RADIL: variants seen among roughly 807,000 people sequenced by gnomAD.
The protein encoded by RADIL is Rap associating with DIL domain, also known as ras-associating and dilute domain-containing protein.
Under a neutral mutation model 97.6 loss-of-function variants are expected in RADIL, and 99 were observed. The observed-to-expected ratio is 1.01, with a 90% CI of 0.86 to 1.20. RADIL has a LOEUF of 1.20. RADIL is among the 50% of genes most tolerant of loss of function. RADIL has a pLI of 0.00. For synonymous variants in RADIL, 803 were observed against 691.8 expected (o/e 1.16, Z -2.52); for missense variants, 1,765 against 1,498.9 (o/e 1.18, Z -2.93).
At chr7:4,882,409 G>C (rs2115059315) in intron 1 of RADIL, among the ~76,000 whole-genome samples, 1 of 152,334 alleles carries the variant, frequency 6.6e-6, no homozygotes, top group East Asian at 1.9e-4. Context: ...CGCAGGGCTC[G>C]GACAGCGAGG....
At chr7:4,861,273 G>C (rs776432068) in intron 2 of RADIL, 3 of 1,614,068 alleles carry the variant, frequency 1.9e-6, no homozygotes, top group East Asian at 4.5e-5. Context: ...AAATCTTCTG[G>C]AATAGTCTGT....
intron 4 of RADIL, 143 bp from the exon 5 acceptor site, chr7:4,832,321 T>C (rs1783167058): frequency 1.3e-6 from 1 of 792,120 alleles, no homozygotes; most frequent in Middle Eastern, 2.3e-4. Context: ...ATTCAAGCTG[T>C]GCTGGAAAGG....
At position 4,799,720 on chromosome 7, in the gene RADIL, C is replaced by G; in HGVS notation, c.3032G>C (p.Gly1011Ala). Residue 1011 changes from glycine (G) to alanine (A), a missense_variant, in exon 14 of 15, where the codon GGC becomes GCC. Transcript: ENST00000399583. ...PGLYIQTLLPGSPAAADGRLS... is the reference protein window; with the variant it reads ...PGLYIQTLLPASPAAADGRLS... ...GCGCCCGTCGGCCGCTGCGGGGCTG[C>G]CCGGGAGCAGGGTCTGGATGTAGAG... is the stretch of plus-strand genomic sequence containing the variant. The G allele has an allele frequency of 1.9e-6, 3 of 1,565,566 alleles. No homozygotes were observed. Among genetic ancestry groups the G allele is most frequent in the South Asian group, 2.3e-5 (2 of 85,798 alleles).
chr7:4,808,763 CCCGT>C (rs1782432359), intron 9 of RADIL: 6 of 969,342 alleles, frequency 6.2e-6, no homozygotes, highest in South Asian at 4.9e-5. Context: ...GCCACTGCCC[CCCGT>C]TCCGACGCCA....
In RADIL at chr7:4,801,922, G is replaced by A. The variant is rs149880583; in HGVS notation, c.2573C>T (p.Pro858Leu). 8.8e-3 allele frequency: 13,843 copies of A among 1,568,506 alleles called. 79 individuals are homozygous for A. Among genetic ancestry groups the A allele is most frequent in the Non-Finnish European group, 0.011 (12,496 of 1,158,822 alleles). Reference protein sequence around the residue: ...SCPLAPRDPGPAAREVAPERT... With the variant: ...SCPLAPRDPGLAAREVAPERT... ...CTCCGGGGCCACTTCCCGGGCTGCT[G>A]GGCCAGGGTCCCTGGGAGCCAGGGG... Residue 858 changes from proline to leucine, a missense_variant, in exon 12 of 15, where the codon CCA (proline) becomes CTA (leucine). Physicochemically the swap from Pro to Leu is moderately conservative, Grantham distance 98. Transcript: ENST00000399583.
chr7:4,806,925 C>G lies in RADIL; in HGVS notation c.2140-1209G>C, dbSNP rs190591850. On this transcript the variant is annotated intron_variant, in intron 9 of 14. Coordinates refer to ENST00000399583, the MANE Select transcript of RADIL (RefSeq NM_018059.5). ...CCTTGTACTGATTCTTGTCTGGAAG[C>G]CTGTGGGTTCTCTGCACCCATCGTC... Among the ~76,000 whole-genome samples the G allele has an allele frequency of 1.5e-3, 227 of 152,290 alleles. 2 individuals carry two copies. The highest frequency in any genetic ancestry group is 1.8e-3 in the Non-Finnish European group (120 of 68,014).
At chr7:4,806,123 G>A in intron 9 of RADIL, 1 of 876,272 alleles carries the variant, frequency 1.1e-6, no homozygotes, top group South Asian at 5.3e-5. Context: ...TCATCATTTA[G>A]GTGACAGGAG....
At position 4,864,163 on chromosome 7, in the gene RADIL, T is replaced by C. The variant is rs77667220; in HGVS notation, c.535+13442A>G. 5.1e-4 allele frequency among the ~76,000 whole-genome samples: 78 copies of C among 152,366 alleles called. 1 individual carries two copies. In the East Asian group the frequency reaches 0.014, roughly 28 times the overall value. On this transcript the variant is annotated intron_variant, in intron 2 of 14. Transcript: ENST00000399583. ...TCAAAAACAGCTATCAGCAAGGTCT[T>C]TGGTGACCTCCATGTTGCCCAACCC...
chr7:4,802,251 C>T (rs1782113661), intron 11 of RADIL, among the ~76,000 whole-genome samples: 1 of 152,202 alleles, frequency 6.6e-6, no homozygotes, highest in Non-Finnish European at 1.5e-5. Flanking sequence ...AGCTTCCAAC[C>T]CTTCTCCTGT....
intron 2 of RADIL, among the ~76,000 whole-genome samples, chr7:4,870,203 C>T (rs78023897): frequency 5.3e-5 from 8 of 152,252 alleles, no homozygotes; most frequent in Non-Finnish European, 7.4e-5. Context: ...AAGGACAGCA[C>T]GGCAGGGAAG....
rs760824551 is a variant in RADIL, at chr7:4,835,264, C to CA, written c.784-26dup. On this transcript the variant is annotated intron_variant, in intron 3 of 14. Transcript: ENST00000399583. The surrounding 1 kb of genome is among the most constrained non-coding windows in gnomAD (Gnocchi z 5.8). ...CCTGAAACAGAGACTCCGCTCAGGG[C>CA]AGGCGTAACGCGAGCAGCACACGGG... The CA allele has an allele frequency of 3.6e-5, 58 of 1,602,402 alleles. No homozygotes were observed. The highest frequency in any genetic ancestry group is 4.2e-5 in the Non-Finnish European group (50 of 1,179,004).
rs369863650 is a variant in RADIL at position 4,805,698 on chromosome 7, G to C, written c.2158C>G (p.Arg720Gly). The C allele has an allele frequency of 6.2e-7, 1 of 1,610,358 alleles. No homozygotes were observed. The highest frequency in any genetic ancestry group is 8.5e-7 in the Non-Finnish European group (1 of 1,179,282). The change falls in exon 10 of 15, where the codon CGG becomes GGG. Residue 720 changes from arginine to glycine, a missense_variant. By Grantham distance (125) the Arg-to-Gly change is moderately radical. Transcript: ENST00000399583. The part of the protein sequence containing the change: ...QLIQMSWTAL[R>G]AAFPALSPAQ... ...GGGCTCAGTGCGGGGAACGCAGCCC[G>C]CAGGGCTGTCCAGCTCATCTGGGTG...
chr7:4,860,260 T>C (rs773637734), intron 2 of RADIL: 9 of 1,613,996 alleles, frequency 5.6e-6, no homozygotes, highest in Non-Finnish European at 7.6e-6. Flanking sequence ...CGTTCAAATC[T>C]GTCAATCTTC....
In RADIL at chr7:4,816,747, G is replaced by A. The variant is rs1056239400; in HGVS notation, c.1729-282C>T. On this transcript the variant is annotated intron_variant, in intron 7 of 14. Coordinates refer to ENST00000399583, the MANE Select transcript of RADIL (RefSeq NM_018059.5). The stretch of plus-strand genomic sequence containing the variant: ...AACTCAGAAGGCGCACAGAGGTGGC[G>A]CCTGGGGGGATGGGCTCCAACAAAG... Among the ~76,000 whole-genome samples, 10 of 152,104 alleles carry A rather than the reference G, an allele frequency of 6.6e-5. 1 individual carries two copies. In the South Asian group the frequency reaches 1.0e-3, roughly 16 times the overall value.
chr7:4,802,144 G>T (rs144712648), intron 11 of RADIL, 149 bp from the exon 12 acceptor site: 2 of 660,200 alleles, frequency 3.0e-6, no homozygotes, highest in Admixed American at 3.2e-5. Context: ...CTTGAGACGC[G>T]CAAGAGGCAA....
Position 4,861,013 on chromosome 7 carries a change from C to T in RADIL, c.535+16592G>A, listed in dbSNP as rs112213840. 7.2e-5 allele frequency: 116 copies of T among 1,614,214 alleles called. No individual in the cohort carries two copies. In the East Asian group the frequency reaches 8.5e-4, roughly 12 times the overall value. On this transcript the variant is annotated intron_variant, in intron 2 of 14. Transcript: ENST00000399583. Reference sequence around the variant, plus strand: ...AGAAGAATTTCCGTACAAGAGTTGACGCTACTGCATTTGGATAAAGCTGAC... The same window carrying T: ...AGAAGAATTTCCGTACAAGAGTTGATGCTACTGCATTTGGATAAAGCTGAC...
intron 1 of RADIL, among the ~76,000 whole-genome samples, chr7:4,881,414 C>CAA (rs58871429): frequency 4.0e-4 from 33 of 82,220 alleles, no homozygotes; most frequent in East Asian, 1.0e-3. Flanking sequence ...GACTCCCTCT[C>CAA]AAAAAAAAAA....
At position 4,801,756 on chromosome 7, in the gene RADIL, C is replaced by T; in HGVS notation, c.2739G>A (p.Glu913=). Residue 913 remains glutamate, a synonymous_variant, in exon 12 of 15, where the codon GAG becomes GAA. Coordinates refer to ENST00000399583, the MANE Select transcript of RADIL (RefSeq NM_018059.5). ...ACTCTGGCCAGTCGGGGTCCCCAGGCTCAGGGCCAAGTGGAGTGCTGGGAG... is the reference window on the plus strand; with the variant it reads ...ACTCTGGCCAGTCGGGGTCCCCAGGTTCAGGGCCAAGTGGAGTGCTGGGAG... ...LTPPSTPLGP[E]PGDPDWPESG... is the part of the protein sequence containing the mutation. 2 of 1,610,534 alleles carry T rather than the reference C, an allele frequency of 1.2e-6. No individual in the cohort carries two copies. The highest frequency in any genetic ancestry group is 1.7e-6 in the Non-Finnish European group (2 of 1,179,132).
chr7:4,821,850 C>T lies in RADIL; in HGVS notation c.1615+544G>A, dbSNP rs565707261. Among the ~76,000 whole-genome samples the T allele has an allele frequency of 7.2e-4, 109 of 151,948 alleles. No individual in the cohort carries two copies. Among genetic ancestry groups the T allele is most frequent in the Non-Finnish European group, 1.2e-3 (85 of 68,016 alleles). On this transcript the variant is annotated intron_variant, in intron 6 of 14. Coordinates refer to ENST00000399583, the MANE Select transcript of RADIL (RefSeq NM_018059.5). The surrounding 1 kb of genome is among the most constrained non-coding windows in gnomAD (Gnocchi z 5.2). Reference sequence around the variant, plus strand: ...CAGCCTGGGTGACAGAGCGAGACTCCGTCTCAAAAAAAGAAAAAGAAATCC... The same window carrying T: ...CAGCCTGGGTGACAGAGCGAGACTCTGTCTCAAAAAAAGAAAAAGAAATCC...
Sources: allele counts gnomAD v4.1 joint callset (sites outside exome capture counted in the v4.1 genomes callset), GRCh38; gene constraint gnomAD v4.1.1; non-coding constraint Gnocchi (gnomAD v3.1); transcripts MANE v1.5; gene names NCBI Gene and HGNC (gene_info 2026-07-23, HGNC 2026-07-21).